Variants in FGF1 observed in about 807,000 individuals in gnomAD.
FGF1 encodes fibroblast growth factor 1, also known as beta-endothelial cell growth factor.
A neutral mutation model predicts 13.4 loss-of-function variants in FGF1; 9 were observed. That is an observed-to-expected ratio of 0.67 (90% CI 0.40 to 1.17). The LOEUF (loss-of-function observed/expected upper bound fraction) is 1.17, where lower values mean the gene tolerates loss of function less well. FGF1 is among the 50% of genes most tolerant of loss of function. The pLI, the probability that FGF1 is intolerant of heterozygous loss-of-function variation, is 0.01. For missense variants in FGF1, 156 were observed against 192.7 expected (o/e 0.81, Z 1.13); for synonymous variants, 93 against 79.0 (o/e 1.18, Z -0.94).
chr5:142,614,552 CA>C (rs1759798590), intron 1 of FGF1, among the ~76,000 whole-genome samples: 1 of 152,186 alleles, frequency 6.6e-6, no homozygotes, highest in African/African-American at 2.4e-5. Flanking sequence ...CTGAAACCCA[CA>C]AAAGCTGAGA....
At chr5:142,689,694 GTTTTTTTT>G (rs5871823), upstream of FGF1, among the ~76,000 whole-genome samples, 5 of 115,510 alleles carry the variant, frequency 4.3e-5, no homozygotes, top group Admixed American at 9.8e-5. Flanking sequence ...CTCGATCCTA[GTTTTTTTT>G]TTTTTTTTTT....
intron 2 of FGF1, among the ~76,000 whole-genome samples, chr5:142,695,599 A>AAAC: frequency 6.6e-6 from 1 of 151,650 alleles, no homozygotes; most frequent in African/African-American, 2.4e-5. Context: ...AAAAAAAAAA[A>AAAC]AGAAAGAAAA....
intron 1 of FGF1, chr5:142,680,140 A>G (rs150626524): frequency 6.6e-6 from 1 of 152,280 alleles, no homozygotes; most frequent in East Asian, 1.9e-4. Flanking sequence ...TATCTCTGTA[A>G]AGACCCTATC....
chr5:142,600,326 C>T (rs976543618), intron 3 of FGF1, among the ~76,000 whole-genome samples: 1 of 152,088 alleles, frequency 6.6e-6, no homozygotes, highest in African/African-American at 2.4e-5. Flanking sequence ...TGTGCCACTG[C>T]ACTCCAGCCT....
intron 2 of FGF1, among the ~76,000 whole-genome samples, chr5:142,605,940 G>A (rs250101): frequency 0.2 from 29,940 of 152,054 alleles, 3,559 homozygotes; most frequent in East Asian, 0.31. Context: ...GGGGCCTTGG[G>A]AAGAGAGGGA....
upstream of FGF1, among the ~76,000 whole-genome samples, chr5:142,689,174 G>C (rs1213252531): frequency 1.3e-5 from 2 of 152,118 alleles, no homozygotes; most frequent in African/African-American, 4.8e-5. Flanking sequence ...AAATGATACA[G>C]TTATGTGAAA....
At chr5:142,631,881 T>G (rs1046310736) in intron 1 of FGF1, among the ~76,000 whole-genome samples, 2 of 149,584 alleles carry the variant, frequency 1.3e-5, no homozygotes, top group Non-Finnish European at 3.0e-5. Flanking sequence ...CCTCCTGGGT[T>G]CAAGCGATTC....
intron 2 of FGF1, among the ~76,000 whole-genome samples, chr5:142,603,141 G>A (rs1194963113): frequency 6.6e-6 from 1 of 152,142 alleles, no homozygotes; most frequent in Non-Finnish European, 1.5e-5. Flanking sequence ...CTGTAAGCTG[G>A]GCCCTGCTCT....
chr5:142,682,212 A>G (rs929921583), intron 1 of FGF1, among the ~76,000 whole-genome samples: 3 of 151,918 alleles, frequency 2.0e-5, no homozygotes, highest in Admixed American at 6.6e-5. Context: ...CAGCCTCCCA[A>G]GTAGATGGGA....
intron 2 of FGF1, among the ~76,000 whole-genome samples, chr5:142,612,485 A>T (rs1759282337): frequency 6.6e-6 from 1 of 152,212 alleles, no homozygotes; most frequent in Admixed American, 6.5e-5. Flanking sequence ...AACCCAGAGG[A>T]ATTAAAGCTT....
At chr5:142,686,874 G>A (rs923230433), upstream of FGF1, among the ~76,000 whole-genome samples, 11 of 152,304 alleles carry the variant, frequency 7.2e-5, no homozygotes, top group African/African-American at 2.6e-4. Flanking sequence ...AACTTCAGGG[G>A]TGGGAAATTC....
At chr5:142,627,690 C>T (rs926609651) in intron 1 of FGF1, among the ~76,000 whole-genome samples, 9 of 152,200 alleles carry the variant, frequency 5.9e-5, no homozygotes, top group African/African-American at 1.9e-4. Flanking sequence ...ATATGCAAAG[C>T]GACCCAGTTG....
chr5:142,661,536 T>G (rs1054809999), intron 1 of FGF1, among the ~76,000 whole-genome samples: 17 of 152,182 alleles, frequency 1.1e-4, no homozygotes, highest in African/African-American at 2.9e-4. Context: ...GTACATTAAT[T>G]TTCATAGCAG....
At chr5:142,675,762 T>C (rs758587337) in intron 1 of FGF1, among the ~76,000 whole-genome samples, 1 of 152,144 alleles carries the variant, frequency 6.6e-6, no homozygotes, top group Non-Finnish European at 1.5e-5. Flanking sequence ...GCTGTGCAAT[T>C]TACCACCTAT....
chr5:142,618,921 G>GTTTTTTTTTTTTTTTTTT lies in FGF1; in HGVS notation c.-34-4761_-34-4760insAAAAAAAAAAAAAAAAAA, dbSNP rs1343286807. Among the ~76,000 whole-genome samples, 3 of 108,374 alleles carry GTTTTTTTTTTTTTTTTTT rather than the reference G, an allele frequency of 2.8e-5. 1 individual carries two copies. Among genetic ancestry groups the GTTTTTTTTTTTTTTTTTT allele is most frequent in the East Asian group, 7.5e-4 (2 of 2,662 alleles). 71.1% of individuals were successfully genotyped at this position (108,374 alleles called of 152,430 possible). On this transcript the variant is annotated intron_variant, in intron 1 of 3. Transcript: ENST00000337706. ...GGCAAACACTGACATTTATTTTTTA[G>GTTTTTTTTTTTTTTTTTT]TTGTTTTGTTTTTTTTTTTTTTTTT...
intron 1 of FGF1, among the ~76,000 whole-genome samples, chr5:142,649,175 TA>T (rs1355950795): frequency 6.6e-6 from 1 of 152,228 alleles, no homozygotes; most frequent in Non-Finnish European, 1.5e-5. Flanking sequence ...CCCTTTTTCA[TA>T]ACATTTCTAT....
At chr5:142,672,889 C>G (rs764979445) in intron 1 of FGF1, among the ~76,000 whole-genome samples, 1 of 152,174 alleles carries the variant, frequency 6.6e-6, no homozygotes, top group Non-Finnish European at 1.5e-5. Context: ...AGCTTCCGGA[C>G]CTGACCCTCT....
intron 1 of FGF1, among the ~76,000 whole-genome samples, chr5:142,640,151 C>T (rs758959360): frequency 6.6e-6 from 1 of 151,826 alleles, no homozygotes. Context: ...GGAAGAAACT[C>T]GAGAAGAAGA....
upstream of FGF1, among the ~76,000 whole-genome samples, chr5:142,688,333 AC>A (rs1167232997): frequency 2.0e-5 from 3 of 152,148 alleles, no homozygotes; most frequent in Non-Finnish European, 2.9e-5. Context: ...ATCTAGATTT[AC>A]CTTTTAAATA....
Sources: allele counts gnomAD v4.1 joint callset (sites outside exome capture counted in the v4.1 genomes callset), GRCh38; gene constraint gnomAD v4.1.1; transcripts MANE v1.5; gene names NCBI Gene and HGNC (gene_info 2026-07-23, HGNC 2026-07-21).